Variants in SRGAP2C observed in about 807,000 individuals in gnomAD.
SRGAP2C encodes the protein SLIT-ROBO Rho GTPase activating protein 2C.
SRGAP2C carries 15 observed loss-of-function variants against 25.1 expected under a neutral mutation model. That is an observed-to-expected ratio of 0.60 (90% CI 0.40 to 0.92). The LOEUF is 0.92. Among genes scored for constraint, SRGAP2C ranks in the 40% least tolerant of loss-of-function variants. SRGAP2C has a pLI of 0.00. For synonymous variants in SRGAP2C, 44 were observed against 96.6 expected (o/e 0.46, Z 3.19); for missense variants, 144 against 264.4 (o/e 0.54, Z 3.16).
chr1:121,356,882 CA>C (rs1337902492), intron 4 of SRGAP2C, among the ~76,000 whole-genome samples: 3 of 151,598 alleles, frequency 2.0e-5, no homozygotes, highest in Non-Finnish European at 4.4e-5. Flanking sequence ...ATAGGTCATT[CA>C]AAGAGATTGG....
chr1:121,188,308 G>A (rs1654577256), intron 2 of SRGAP2C, among the ~76,000 whole-genome samples: 1 of 152,242 alleles, frequency 6.6e-6, no homozygotes, highest in Admixed American at 6.5e-5. Context: ...AAAGCAAAAT[G>A]TGGACTAGGA....
intron 4 of SRGAP2C, among the ~76,000 whole-genome samples, chr1:121,350,301 G>A (rs2101632787): frequency 7.2e-6 from 1 of 139,796 alleles, no homozygotes; most frequent in South Asian, 2.3e-4. Context: ...ATTTAGGATA[G>A]CCAGTGGCTA....
In SRGAP2C at chr1:121,195,308, G is replaced by T. The variant is rs1181882462; in HGVS notation, c.67+7795G>T. On this transcript the variant is annotated intron_variant, in intron 2 of 9. Coordinates refer to ENST00000367123, the MANE Select transcript of SRGAP2C (RefSeq NM_001329984.2). ...GCCTGTAATCCCAGCTACTCAGGAG[G>T]CTGAGGGAGGAGAATCGCTTGAATC... 2.6e-5 allele frequency among the ~76,000 whole-genome samples: 4 copies of T among 151,852 alleles called. No individual in the cohort carries two copies. The East Asian group carries it at 7.8e-4, about 30-fold the overall frequency.
intron 4 of SRGAP2C, among the ~76,000 whole-genome samples, chr1:121,337,978 A>G (rs1335880345): frequency 1.2e-5 from 1 of 83,986 alleles, no homozygotes; most frequent in Non-Finnish European, 2.4e-5. Context: ...AGATAAGAGC[A>G]TGGGCAAAGG....
chr1:121,319,908 A>AT (rs1553340930), intron 3 of SRGAP2C, among the ~76,000 whole-genome samples: 3,889 of 105,208 alleles, frequency 0.037, 300 homozygotes, highest in African/African-American at 0.14. Context: ...AGGCCCAAGT[A>AT]TTATACAACC....
At chr1:121,257,967 G>C (rs1436562669) in intron 2 of SRGAP2C, among the ~76,000 whole-genome samples, 1 of 144,572 alleles carries the variant, frequency 6.9e-6, no homozygotes, top group South Asian at 2.3e-4. Context: ...TGTGGGGTGG[G>C]GGGGTGGGGT....
intron 2 of SRGAP2C, among the ~76,000 whole-genome samples, chr1:121,283,488 T>C (rs1657296350): frequency 6.6e-6 from 1 of 151,728 alleles, no homozygotes; most frequent in African/African-American, 2.4e-5. Context: ...CTGATTTATC[T>C]GCAGCTCACA....
At chr1:121,235,021 TC>T (rs1241183631) in intron 2 of SRGAP2C, among the ~76,000 whole-genome samples, 5 of 148,878 alleles carry the variant, frequency 3.4e-5, no homozygotes, top group African/African-American at 5.2e-5. Context: ...CTCTTTTCTT[TC>T]TTTCTTTTTT....
At chr1:121,329,333 T>G (rs1331376052) in intron 4 of SRGAP2C, among the ~76,000 whole-genome samples, 1 of 151,568 alleles carries the variant, frequency 6.6e-6, no homozygotes, top group African/African-American at 2.4e-5. Context: ...TCTAAGTATG[T>G]TGTACAGAGA....
At chr1:121,375,139 A>T (rs1659608524) in intron 7 of SRGAP2C, among the ~76,000 whole-genome samples, 185 bp downstream of exon 7, 1 of 150,720 alleles carries the variant, frequency 6.6e-6, no homozygotes. Flanking sequence ...ATTCAATCCT[A>T]ACTGGAATTC....
chr1:121,210,188 A>G (rs1449444823), intron 2 of SRGAP2C, among the ~76,000 whole-genome samples: 1 of 151,948 alleles, frequency 6.6e-6, no homozygotes, highest in Non-Finnish European at 1.5e-5. Context: ...CTTCTCATAG[A>G]TCTGAGATTC....
In SRGAP2C at chr1:121,385,688, G is replaced by A. The variant is rs375287223; in HGVS notation, c.1057-818G>A. ...CAGACAAGAGGCTAAAGGACGAACG[G>A]TAACAAGGTGACAGGAGCTGTCTCC... On this transcript the variant is annotated intron_variant, in intron 8 of 9. Coordinates refer to ENST00000367123, the MANE Select transcript of SRGAP2C (RefSeq NM_001329984.2). Among the ~76,000 whole-genome samples the A allele has an allele frequency of 9.0e-4, 137 of 152,270 alleles. 1 individual carries two copies. Among genetic ancestry groups the A allele is most frequent in the Non-Finnish European group, 8.4e-4 (57 of 68,024 alleles).
At chr1:121,347,762 G>A (rs1553344321) in intron 4 of SRGAP2C, among the ~76,000 whole-genome samples, 10 of 152,022 alleles carry the variant, frequency 6.6e-5, no homozygotes, top group South Asian at 2.1e-4. Flanking sequence ...GCCCTGTAGC[G>A]CCTGTGGAGA....
At chr1:121,299,865 C>A in intron 3 of SRGAP2C, among the ~76,000 whole-genome samples, 1 of 150,792 alleles carries the variant, frequency 6.6e-6, no homozygotes, top group East Asian at 2.1e-4. Context: ...GAATTGATTT[C>A]TGCAGTGTAC....
intron 2 of SRGAP2C, among the ~76,000 whole-genome samples, chr1:121,270,816 G>A (rs1316820094): frequency 1.4e-5 from 2 of 144,428 alleles, no homozygotes; most frequent in South Asian, 2.1e-4. Context: ...TTTTTGAGAC[G>A]GAGTCTCGCT....
intron 3 of SRGAP2C, among the ~76,000 whole-genome samples, chr1:121,306,071 T>C (rs1180853752): frequency 6.6e-6 from 1 of 152,228 alleles, no homozygotes; most frequent in Non-Finnish European, 1.5e-5. Flanking sequence ...TGTCCTTATG[T>C]CCTTTTCATA....
At chr1:121,287,862 G>C (rs1395993992) in intron 3 of SRGAP2C, among the ~76,000 whole-genome samples, 1 of 151,992 alleles carries the variant, frequency 6.6e-6, no homozygotes, top group Non-Finnish European at 1.5e-5. Flanking sequence ...TTAAGGCAGC[G>C]CGTCTGGAGT....
At chr1:121,213,083 T>C (rs1296796543) in intron 2 of SRGAP2C, among the ~76,000 whole-genome samples, 1 of 151,618 alleles carries the variant, frequency 6.6e-6, no homozygotes, top group Non-Finnish European at 1.5e-5. Context: ...TCTTGTTCTG[T>C]TGCCCAGGCT....
At chr1:121,329,207 T>C (rs1358832751) in intron 4 of SRGAP2C, among the ~76,000 whole-genome samples, 2 of 151,120 alleles carry the variant, frequency 1.3e-5, no homozygotes, top group Non-Finnish European at 2.9e-5. Flanking sequence ...CAAGACTTCG[T>C]CTCAGAAAAA....
Sources: allele counts gnomAD v4.1 joint callset (sites outside exome capture counted in the v4.1 genomes callset), GRCh38; gene constraint gnomAD v4.1.1; transcripts MANE v1.5; gene names NCBI Gene and HGNC (gene_info 2026-07-23, HGNC 2026-07-21).